The following DNAH7 variants were observed in gnomAD, a reference collection of about 807,000 sequenced individuals.
DNAH7 encodes dynein axonemal heavy chain 7, also known as axonemal beta dynein heavy chain 7.
A neutral mutation model predicts 444.6 loss-of-function variants in DNAH7; 397 were observed. The ratio of observed to expected loss-of-function variants is 0.89; its 90% CI spans 0.82 to 0.97. DNAH7 has a LOEUF of 0.97. Ranked by LOEUF, DNAH7 falls within the 50% of genes least tolerant of loss-of-function variation. The probability of loss-of-function intolerance (pLI) is 0.00; values close to 1 mark genes in which losing one functional copy is unlikely to be tolerated. For missense variants in DNAH7, 4,902 were observed against 4,800.8 expected, an observed-to-expected ratio of 1.02 and a Z score of -0.62; for synonymous variants, 1,636 against 1,624.4, an observed-to-expected ratio of 1.01 and a Z score of -0.17.
rs2105989655 is a variant in DNAH7 at position 195,794,329 on chromosome 2, A to T, written c.10716+9T>A. On this transcript the variant is annotated intron_variant, in intron 57 of 64. Coordinates refer to ENST00000312428, the MANE Select transcript of DNAH7 (RefSeq NM_018897.3). ...AGGGCCGAGGTAACAAGACTTAACC[A>T]TTACTAACAGGCTTTTTGCAGCTGC... 6.2e-7 allele frequency: 1 copy of T among 1,613,992 alleles called. No individual in the cohort carries two copies. Among genetic ancestry groups the T allele is most frequent in the East Asian group, 2.2e-5 (1 of 44,870 alleles).
Position 195,778,618 on chromosome 2 carries a change from G to GGAAAAAAAAAA in DNAH7, c.10879-634_10879-633insTTTTTTTTTTC, listed in dbSNP as rs1365539221. On this transcript the variant is annotated intron_variant, in intron 58 of 64. Coordinates refer to ENST00000312428, the MANE Select transcript of DNAH7 (RefSeq NM_018897.3). Reference sequence around the variant, plus strand: ...TGGGTGACAGAGCAAGACCCTGTCTGAAAAAAAAAAAAAATAAATAAATAA... The same window carrying GGAAAAAAAAAA: ...TGGGTGACAGAGCAAGACCCTGTCTGGAAAAAAAAAAAAAAAAAAAAAAAATAAATAAATAA... 1.8e-4 allele frequency among the ~76,000 whole-genome samples: 4 copies of GGAAAAAAAAAA among 21,790 alleles called. 1 individual carries two copies. The highest frequency in any genetic ancestry group is 4.0e-4 in the African/African-American group (2 of 4,952). 14.3% of individuals were successfully genotyped at this position (21,790 alleles called of 152,430 possible). A position where few individuals can be genotyped will look rare whatever the true frequency, so the allele number is the denominator to read the frequency against.
chr2:196,038,927 T>C (rs1696558524), intron 5 of DNAH7, among the ~76,000 whole-genome samples: 3 of 152,154 alleles, frequency 2.0e-5, no homozygotes. Context: ...CCCAATACAA[T>C]AGAAAGGGAC....
chr2:195,758,166 T>G (rs1289324501), intron 61 of DNAH7, among the ~76,000 whole-genome samples: 1 of 152,212 alleles, frequency 6.6e-6, no homozygotes, highest in African/African-American at 2.4e-5. Flanking sequence ...TTAAACAGCC[T>G]AGCCAGGTAA....
chr2:195,814,607 A>C (rs892341875), intron 51 of DNAH7, among the ~76,000 whole-genome samples: 1 of 152,260 alleles, frequency 6.6e-6, no homozygotes, highest in Non-Finnish European at 1.5e-5. Context: ...CTTGATTTTA[A>C]GCTAATTAAC....
chr2:195,885,453 C>G (rs1417562688), intron 34 of DNAH7, among the ~76,000 whole-genome samples: 1 of 152,162 alleles, frequency 6.6e-6, no homozygotes, highest in African/African-American at 2.4e-5. Flanking sequence ...GTTCTGGACT[C>G]TACTTCAACC....
rs533004194 is a variant in DNAH7 at position 195,876,694 on chromosome 2, A to C, written c.5967T>G (p.Phe1989Leu). ...GTGKSVYITN[F>L]LLNQLNKEIY... ...TTTCCTTATTTAGTTGATTTAAAAG[A>C]AAATTCTATATAACAAAATAATAAA... The change falls in exon 37 of 65, where the codon TTT (phenylalanine) becomes TTG (leucine). Residue 1989 changes from phenylalanine (F) to leucine (L), a missense_variant. Coordinates refer to ENST00000312428, the MANE Select transcript of DNAH7 (RefSeq NM_018897.3). 6.4e-7 allele frequency: 1 copy of C among 1,561,214 alleles called. No homozygotes were observed. The highest frequency in any genetic ancestry group is 1.1e-5 in the South Asian group (1 of 87,412).
intron 57 of DNAH7, among the ~76,000 whole-genome samples, chr2:195,791,274 T>C (rs540639358): frequency 6.6e-6 from 1 of 151,336 alleles, no homozygotes; most frequent in East Asian, 2.0e-4. Context: ...GAGACCATCC[T>C]GGCTAACACA....
chr2:196,010,006 G>T (rs1489841335), intron 10 of DNAH7, among the ~76,000 whole-genome samples: 1 of 152,142 alleles, frequency 6.6e-6, no homozygotes, highest in African/African-American at 2.4e-5. Flanking sequence ...AGCACACTGA[G>T]ATATTATCTC....
intron 19 of DNAH7, among the ~76,000 whole-genome samples, chr2:195,953,749 T>G (rs1469615873): frequency 1.3e-5 from 2 of 152,194 alleles, no homozygotes; most frequent in Non-Finnish European, 2.9e-5. Context: ...GTAAGCCAGT[T>G]ATATTAACAA....
At chr2:195,861,030 GAAATAT>G (rs1429193094) in intron 42 of DNAH7, among the ~76,000 whole-genome samples, 1 of 151,942 alleles carries the variant, frequency 6.6e-6, no homozygotes, top group African/African-American at 2.4e-5. Context: ...ACTTAAAAGG[GAAATAT>G]AAATAATGTA....
chr2:196,067,917 GACC>G (rs578132671), intron 1 of DNAH7, among the ~76,000 whole-genome samples: 30 of 152,226 alleles, frequency 2.0e-4, no homozygotes, highest in African/African-American at 7.0e-4. Flanking sequence ...CCAGAATAAT[GACC>G]ACGTTTAATA....
At position 195,781,077 on chromosome 2, in the gene DNAH7, GAA is replaced by G. The variant is rs34479085; in HGVS notation, c.10879-3094_10879-3093del. 3.3e-5 allele frequency among the ~76,000 whole-genome samples: 5 copies of G among 149,436 alleles called. No individual in the cohort carries two copies. In the East Asian group the frequency reaches 5.9e-4, roughly 18 times the overall value. ...CACGTGTCAGTGACAAAGCCCTTGT[GAA>G]AAAAAAAACAAATCAAATCAGGAAG... On this transcript the variant is annotated intron_variant, in intron 58 of 64. Coordinates refer to ENST00000312428, the MANE Select transcript of DNAH7 (RefSeq NM_018897.3).
At chr2:195,994,196 T>C (rs974371848) in intron 12 of DNAH7, 4 of 248,136 alleles carry the variant, frequency 1.6e-5, no homozygotes, top group Non-Finnish European at 3.1e-5. Context: ...GATGTTCTGG[T>C]CCCATGATAA....
chr2:195,784,799 T>A (rs1171248706), intron 58 of DNAH7, among the ~76,000 whole-genome samples: 2 of 152,208 alleles, frequency 1.3e-5, no homozygotes, highest in East Asian at 3.8e-4. Flanking sequence ...TGTGTAATGG[T>A]CTCTCATTGT....
At chr2:195,744,015 G>A (rs574084514) in intron 63 of DNAH7, among the ~76,000 whole-genome samples, 2 of 152,206 alleles carry the variant, frequency 1.3e-5, no homozygotes, top group African/African-American at 2.4e-5. Flanking sequence ...GTGGGTGCAG[G>A]ACAGTGGGTG....
chr2:195,941,705 A>T (rs1342538249), intron 19 of DNAH7, among the ~76,000 whole-genome samples: 1 of 152,166 alleles, frequency 6.6e-6, no homozygotes, highest in Admixed American at 6.6e-5. Flanking sequence ...CAGAAAATTG[A>T]TAAGATCCTC....
chr2:195,955,893 A>T (rs1690614751), intron 19 of DNAH7, among the ~76,000 whole-genome samples: 1 of 152,192 alleles, frequency 6.6e-6, no homozygotes, highest in African/African-American at 2.4e-5. Flanking sequence ...TATATAAAAG[A>T]CTGAATTTAT....
intron 45 of DNAH7, 97 bp downstream of exon 45, chr2:195,855,714 G>T (rs1366573039): frequency 1.6e-5 from 22 of 1,351,780 alleles, no homozygotes; most frequent in Non-Finnish European, 2.0e-5. Context: ...CCCTGACCAG[G>T]AAGGAAACAG....
At chr2:195,928,006 T>A (rs939242936) in intron 21 of DNAH7, among the ~76,000 whole-genome samples, 1 of 152,158 alleles carries the variant, frequency 6.6e-6, no homozygotes, top group Admixed American at 6.6e-5. Flanking sequence ...GTTTGTTACA[T>A]GGGCATATTG....
Sources: allele counts gnomAD v4.1 joint callset (sites outside exome capture counted in the v4.1 genomes callset), GRCh38; gene constraint gnomAD v4.1.1; transcripts MANE v1.5; gene names NCBI Gene and HGNC (gene_info 2026-07-23, HGNC 2026-07-21).